KCNIP1: variants seen among roughly 807,000 people sequenced by gnomAD.
KCNIP1 encodes the protein A-type potassium channel modulatory protein KCNIP1.
A neutral mutation model predicts 33.0 loss-of-function variants in KCNIP1; 18 were observed. The ratio of observed to expected loss-of-function variants is 0.55; its 90% CI spans 0.38 to 0.81. KCNIP1 has a LOEUF of 0.81. Among genes scored for constraint, KCNIP1 ranks in the 30% least tolerant of loss-of-function variants. The probability of loss-of-function intolerance (pLI) is 0.00; values close to 1 mark genes in which losing one functional copy is unlikely to be tolerated. For missense variants in KCNIP1, 238 were observed against 271.6 expected, an observed-to-expected ratio of 0.88 and a Z score of 0.87; for synonymous variants, 93 against 98.3, an observed-to-expected ratio of 0.95 and a Z score of 0.32.
At chr5:170,629,317 G>A (rs534659804) in intron 1 of KCNIP1, among the ~76,000 whole-genome samples, 5 of 152,286 alleles carry the variant, frequency 3.3e-5, no homozygotes, top group Admixed American at 6.5e-5. Flanking sequence ...AAGGTCCTAC[G>A]TCAAGGTTAG....
chr5:170,543,426 T>G (rs1213539140), intron 1 of KCNIP1, among the ~76,000 whole-genome samples: 3 of 152,222 alleles, frequency 2.0e-5, no homozygotes, highest in Admixed American at 6.5e-5. Flanking sequence ...ATAAGTCTTT[T>G]TTATTGTCTA....
intron 1 of KCNIP1, among the ~76,000 whole-genome samples, chr5:170,622,010 C>T (rs1054518870): frequency 6.6e-6 from 1 of 152,106 alleles, no homozygotes; most frequent in Non-Finnish European, 1.5e-5. Context: ...TGACTTGCAG[C>T]AAGTCATTGA....
intron 1 of KCNIP1, among the ~76,000 whole-genome samples, chr5:170,369,881 G>T (rs1763797539): frequency 6.6e-6 from 1 of 152,212 alleles, no homozygotes; most frequent in Non-Finnish European, 1.5e-5. Context: ...ATTATCACGG[G>T]TCATGATTCT....
chr5:170,656,415 T>G (rs760560480), intron 1 of KCNIP1, among the ~76,000 whole-genome samples: 1 of 152,172 alleles, frequency 6.6e-6, no homozygotes, highest in Non-Finnish European at 1.5e-5. Flanking sequence ...CCAGAACTAG[T>G]AGCAGGAAGC....
chr5:170,483,751 A>G (rs1017593403), intron 1 of KCNIP1: 1 of 152,236 alleles, frequency 6.6e-6, no homozygotes, highest in African/African-American at 2.4e-5. Context: ...AGGTGCAAGT[A>G]GATTCCCAAA....
chr5:170,380,786 C>T (rs1448736617), intron 1 of KCNIP1, among the ~76,000 whole-genome samples: 3 of 152,200 alleles, frequency 2.0e-5, no homozygotes. Context: ...CCTTAAATAG[C>T]AGTGTGGCTA....
At chr5:170,509,239 G>T (rs1303304378) in intron 1 of KCNIP1, among the ~76,000 whole-genome samples, 3 of 152,208 alleles carry the variant, frequency 2.0e-5, no homozygotes, top group Non-Finnish European at 4.4e-5. Flanking sequence ...GCTGAGAACA[G>T]TGATTCTACT....
At chr5:170,483,290 T>G in intron 1 of KCNIP1, 1 of 273,686 alleles carries the variant, frequency 3.7e-6, no homozygotes, top group Non-Finnish European at 7.1e-6. Context: ...AAGCCAACAT[T>G]CCCTCCCCAG....
At chr5:170,606,678 G>A (rs569413237) in intron 1 of KCNIP1, among the ~76,000 whole-genome samples, 5 of 152,176 alleles carry the variant, frequency 3.3e-5, no homozygotes, top group South Asian at 2.1e-4. Context: ...GCACATGTGC[G>A]ACCTCATCCG....
At chr5:170,545,558 T>C (rs1378355149) in intron 1 of KCNIP1, among the ~76,000 whole-genome samples, 1 of 152,218 alleles carries the variant, frequency 6.6e-6, no homozygotes, top group Non-Finnish European at 1.5e-5. Flanking sequence ...TGTCTTTTAA[T>C]GTTCCTTTCT....
intron 1 of KCNIP1, among the ~76,000 whole-genome samples, chr5:170,472,679 G>A (rs891098133): frequency 8.9e-5 from 13 of 146,656 alleles, no homozygotes; most frequent in Admixed American, 4.3e-4. Context: ...AACATACGAC[G>A]TTTGGTTTTC....
intron 1 of KCNIP1, among the ~76,000 whole-genome samples, chr5:170,558,507 C>T (rs995986340): frequency 6.6e-6 from 1 of 152,204 alleles, no homozygotes. Context: ...AGATAAAGAT[C>T]GAGGTGGAAT....
intron 1 of KCNIP1, among the ~76,000 whole-genome samples, chr5:170,613,746 T>C (rs1759268050): frequency 1.3e-5 from 2 of 152,094 alleles, no homozygotes; most frequent in African/African-American, 2.4e-5. Flanking sequence ...TAACTAAATT[T>C]ATAAAGAAGT....
At chr5:170,492,598 G>A (rs1757228964) in intron 1 of KCNIP1, among the ~76,000 whole-genome samples, 1 of 152,118 alleles carries the variant, frequency 6.6e-6, no homozygotes, top group Non-Finnish European at 1.5e-5. Context: ...TCAAGGCTTG[G>A]TCTTTTTGGT....
chr5:170,528,746 A>C (rs1426280705), intron 1 of KCNIP1, among the ~76,000 whole-genome samples: 2 of 152,196 alleles, frequency 1.3e-5, no homozygotes, highest in African/African-American at 4.8e-5. Flanking sequence ...ACCAAGTCAG[A>C]AATCTAAGGT....
chr5:170,674,551 C>T (rs1762057960), intron 1 of KCNIP1, among the ~76,000 whole-genome samples: 1 of 152,204 alleles, frequency 6.6e-6, no homozygotes, highest in African/African-American at 2.4e-5. Context: ...ACATCTGCAC[C>T]TGTCAGCTTG....
At chr5:170,371,812 T>C (rs545896914) in intron 1 of KCNIP1, among the ~76,000 whole-genome samples, 33 of 152,308 alleles carry the variant, frequency 2.2e-4, no homozygotes, top group Middle Eastern at 6.8e-3. Flanking sequence ...GAGTTATTCA[T>C]CCAAAGAGGT....
chr5:170,572,843 A>G lies in KCNIP1; in HGVS notation c.61+68210A>G, dbSNP rs141980494. ...GGGAAGCTCAAACAACTATCCAACA[A>G]CAATCATTTAGTGTGACTTTATTAA... On this transcript the variant is annotated intron_variant, in intron 1 of 7. Coordinates refer to ENST00000328939, the MANE Select transcript of KCNIP1 (RefSeq NM_014592.4). Among the ~76,000 whole-genome samples, 581 of 152,334 alleles carry G rather than the reference A, an allele frequency of 3.8e-3. 3 individuals are homozygous for G. Among genetic ancestry groups the G allele is most frequent in the African/African-American group, 0.013 (557 of 41,568 alleles).
chr5:170,447,599 T>G (rs910427129), intron 1 of KCNIP1, among the ~76,000 whole-genome samples: 1 of 152,122 alleles, frequency 6.6e-6, no homozygotes, highest in African/African-American at 2.4e-5. Context: ...TCAGGGATGT[T>G]GGTCATGCAA....
Sources: allele counts gnomAD v4.1 joint callset (sites outside exome capture counted in the v4.1 genomes callset), GRCh38; gene constraint gnomAD v4.1.1; transcripts MANE v1.5; gene names NCBI Gene and HGNC (gene_info 2026-07-23, HGNC 2026-07-21).